Variants in PACRGL observed in about 807,000 individuals in gnomAD.
PACRGL encodes the protein PACRG-like protein.
Under a neutral mutation model 34.5 loss-of-function variants are expected in PACRGL, and 38 were observed. The observed-to-expected ratio is 1.10, with a 90% CI of 0.85 to 1.44. The LOEUF (loss-of-function observed/expected upper bound fraction) is 1.44, where lower values mean the gene tolerates loss of function less well. Ranked by LOEUF, PACRGL falls within the 40% of genes most tolerant of loss-of-function variation. The pLI is 0.00. For missense variants in PACRGL, 305 were observed against 281.4 expected (o/e 1.08, Z -0.60); for synonymous variants, 128 against 100.1 (o/e 1.28, Z -1.66).
chr4:20,743,078 C>T (rs1198195902), intron 8 of PACRGL, among the ~76,000 whole-genome samples: 1 of 140,980 alleles, frequency 7.1e-6, no homozygotes, highest in Non-Finnish European at 1.6e-5. Flanking sequence ...TAAGTTCACC[C>T]TTATGTGAAC....
chr4:20,741,759 C>CA (rs1193384681), intron 8 of PACRGL, among the ~76,000 whole-genome samples: 8 of 151,980 alleles, frequency 5.3e-5, no homozygotes, highest in East Asian at 1.9e-4. Flanking sequence ...AAAAACCCTT[C>CA]AAAAAATCAA....
At chr4:20,735,608 C>T (rs1749438801), downstream of PACRGL, among the ~76,000 whole-genome samples, 1 of 148,608 alleles carries the variant, frequency 6.7e-6, no homozygotes, top group Non-Finnish European at 1.5e-5. Context: ...TGGCTCACTG[C>T]AACTTCCACC....
chr4:20,722,252 T>A (rs1743662779), intron 7 of PACRGL, among the ~76,000 whole-genome samples: 1 of 152,224 alleles, frequency 6.6e-6, no homozygotes, highest in Non-Finnish European at 1.5e-5. Flanking sequence ...GAAAGGGAAT[T>A]CCCTGATCCC....
intron 8 of PACRGL, among the ~76,000 whole-genome samples, chr4:20,739,153 G>A (rs1014186898): frequency 6.6e-6 from 1 of 152,212 alleles, no homozygotes; most frequent in African/African-American, 2.4e-5. Flanking sequence ...TGCCACCTCT[G>A]GGGGCAGGTC....
At chr4:20,744,674 G>C (rs1471977647) in intron 8 of PACRGL, among the ~76,000 whole-genome samples, 1 of 152,086 alleles carries the variant, frequency 6.6e-6, no homozygotes, top group Admixed American at 6.5e-5. Context: ...TGTAAATGAC[G>C]TGTTAATGGG....
chr4:20,709,894 G>A (rs1486856947), intron 5 of PACRGL, 121 bp downstream of exon 5: 1 of 726,026 alleles, frequency 1.4e-6, no homozygotes, highest in African/African-American at 1.8e-5. Flanking sequence ...GCACACAATA[G>A]GCATTGAAAC....
At chr4:20,764,646 G>C in the PACRGL span, among the ~76,000 whole-genome samples, 1 of 150,572 alleles carries the variant, frequency 6.6e-6, no homozygotes, top group South Asian at 2.1e-4. Flanking sequence ...GTCTCACACC[G>C]AGAGGAGCTA....
downstream of PACRGL, among the ~76,000 whole-genome samples, chr4:20,753,781 G>T (rs139535158): frequency 1.3e-5 from 2 of 152,302 alleles, no homozygotes; most frequent in African/African-American, 4.8e-5. Flanking sequence ...TACTCAGTGG[G>T]TGAAGTCTTT....
At chr4:20,701,360 G>A (rs544452053) in intron 1 of PACRGL, 1 of 155,208 alleles carries the variant, frequency 6.4e-6, no homozygotes, top group Admixed American at 6.3e-5. Context: ...GGGCTTCATA[G>A]GGTGGTTTGT....
chr4:20,724,630 T>C (rs1744851783), intron 7 of PACRGL, among the ~76,000 whole-genome samples, 178 bp from the exon 8 acceptor site: 1 of 152,146 alleles, frequency 6.6e-6, no homozygotes, highest in Non-Finnish European at 1.5e-5. Flanking sequence ...ATAATGTAAA[T>C]TCATTGTTTT....
chr4:20,732,442 T>G lies in PACRGL; in HGVS notation c.*5101T>G, dbSNP rs969612470. ...TGTAAAAACTGAATGAAAACAAAAC[T>G]TGTGAAACATGAGAACTGTTTAGTG... is the stretch of plus-strand genomic sequence containing the variant. On this transcript the variant is annotated 3_prime_UTR_variant, in exon 9 of 9. Transcript: ENST00000503585. Among the ~76,000 whole-genome samples the G allele has an allele frequency of 6.6e-6, 1 of 152,150 alleles. No individual in the cohort carries two copies. Among genetic ancestry groups the G allele is most frequent in the Non-Finnish European group, 1.5e-5 (1 of 68,032 alleles).
At chr4:20,720,230 C>A (rs1042774270) in intron 7 of PACRGL, among the ~76,000 whole-genome samples, 1 of 152,142 alleles carries the variant, frequency 6.6e-6, no homozygotes, top group African/African-American at 2.4e-5. Context: ...TGTCTCTGCA[C>A]ATGAGATGGG....
the PACRGL span, chr4:20,758,849 C>A: frequency 3.7e-6 from 6 of 1,613,168 alleles, no homozygotes; most frequent in East Asian, 1.3e-4. Flanking sequence ...GCGAGTAAAT[C>A]TCTTTGAAGG....
chr4:20,704,774 C>T lies in PACRGL; in HGVS notation c.167C>T (p.Pro56Leu). 6.2e-7 allele frequency: 1 copy of T among 1,614,066 alleles called. No individual in the cohort carries two copies. Among genetic ancestry groups the T allele is most frequent in the East Asian group, 2.2e-5 (1 of 44,866 alleles). ...SSPESARKLH[P>L]RPSDKLNPKT... ...CCAGAGTCTGCAAGAAAACTTCATC[C>T]TAGACCAAGTGATAAACTGAACCCT... is the stretch of plus-strand genomic sequence containing the variant. Residue 56 changes from proline (P) to leucine (L), a missense_variant, in exon 3 of 9, where the codon CCT becomes CTT. Coordinates refer to ENST00000503585, the MANE Select transcript of PACRGL (RefSeq NM_001258345.3).
At chr4:20,699,780 T>C (rs1201637431), upstream of PACRGL, among the ~76,000 whole-genome samples, 1 of 152,202 alleles carries the variant, frequency 6.6e-6, no homozygotes, top group Non-Finnish European at 1.5e-5. Context: ...TACAAGGGAA[T>C]ATGCATTTTC....
chr4:20,714,735 G>T (rs1292914753), intron 7 of PACRGL, among the ~76,000 whole-genome samples: 1 of 151,928 alleles, frequency 6.6e-6, no homozygotes, highest in East Asian at 1.9e-4. Flanking sequence ...TACCATCTCA[G>T]ACCAATTAGA....
intron 5 of PACRGL, among the ~76,000 whole-genome samples, chr4:20,710,009 C>T (rs1252243607): frequency 6.6e-6 from 1 of 152,024 alleles, no homozygotes; most frequent in Non-Finnish European, 1.5e-5. Flanking sequence ...TTGTAGATAA[C>T]TAGATGAAAT....
chr4:20,703,051 C>T (rs992189422), intron 1 of PACRGL, among the ~76,000 whole-genome samples: 3 of 152,102 alleles, frequency 2.0e-5, no homozygotes, highest in African/African-American at 4.8e-5. Flanking sequence ...GAGCTTTGTC[C>T]TCCTTTTGAG....
At chr4:20,754,441 C>T (rs1176098100), downstream of PACRGL, among the ~76,000 whole-genome samples, 1 of 152,074 alleles carries the variant, frequency 6.6e-6, no homozygotes, top group African/African-American at 2.4e-5. Flanking sequence ...AGGATGACTC[C>T]GTGGAAGTGT....
Sources: gnomAD v4.1 joint callset for allele counts (sites outside exome capture counted in the v4.1 genomes callset) on GRCh38, gnomAD v4.1.1 for gene constraint, MANE v1.5 for transcripts, NCBI Gene and HGNC (gene_info 2026-07-23, HGNC 2026-07-21) for gene names.